MSH3: variants seen among roughly 807,000 people sequenced by gnomAD.
MSH3 encodes DNA mismatch repair protein Msh3.
In MSH3, 106 loss-of-function variants were observed where a neutral mutation model predicts 123.3. The ratio of observed to expected loss-of-function variants is 0.86; its 90% CI spans 0.73 to 1.01. The LOEUF (loss-of-function observed/expected upper bound fraction) is 1.01. Ranked by LOEUF, MSH3 falls within the 50% of genes least tolerant of loss-of-function variation. MSH3 has a pLI of 0.00. For missense variants in MSH3, 1,459 were observed against 1,347.6 expected (o/e 1.08, Z -1.29); for synonymous variants, 515 against 481.4 (o/e 1.07, Z -0.91).
intron 8 of MSH3, among the ~76,000 whole-genome samples, chr5:80,682,942 G>A (rs1166497793): frequency 6.6e-6 from 1 of 152,092 alleles, no homozygotes; most frequent in Non-Finnish European, 1.5e-5. Flanking sequence ...CCACAAGTAG[G>A]TGAGAACATG....
At chr5:80,817,725 T>A (rs1202895266) in intron 20 of MSH3, among the ~76,000 whole-genome samples, 1 of 152,148 alleles carries the variant, frequency 6.6e-6, no homozygotes, top group African/African-American at 2.4e-5. Flanking sequence ...GAAGTTTCTC[T>A]TTATAGAAAT....
chr5:80,843,907 G>T (rs1459481821), intron 20 of MSH3, among the ~76,000 whole-genome samples: 1 of 151,458 alleles, frequency 6.6e-6, no homozygotes, highest in Non-Finnish European at 1.5e-5. Flanking sequence ...CTTCAGTTCT[G>T]CTCTGATCTT....
At chr5:80,709,889 A>G (rs1207568092) in intron 8 of MSH3, among the ~76,000 whole-genome samples, 1 of 152,150 alleles carries the variant, frequency 6.6e-6, no homozygotes, top group Non-Finnish European at 1.5e-5. Flanking sequence ...AGCTTTTCCT[A>G]TCCTTTATCT....
At position 80,754,858 on chromosome 5, in the gene MSH3, A is replaced by G. The variant is rs558501414; in HGVS notation, c.1764-6688A>G. Among the ~76,000 whole-genome samples, 14 of 152,260 alleles carry G rather than the reference A, an allele frequency of 9.2e-5. No homozygotes were observed. In the South Asian group the frequency reaches 2.9e-3, roughly 32 times the overall value. On this transcript the variant is annotated intron_variant, in intron 12 of 23. Transcript: ENST00000265081. Reference sequence around the variant, plus strand: ...ATTTCTAATTTGTTACCCTGGCCCAAATGATGAAGTAATAGAATGTTGCAT... The same window carrying G: ...ATTTCTAATTTGTTACCCTGGCCCAGATGATGAAGTAATAGAATGTTGCAT...
At chr5:80,838,866 G>T (rs1044185763) in intron 20 of MSH3, among the ~76,000 whole-genome samples, 1 of 152,058 alleles carries the variant, frequency 6.6e-6, no homozygotes, top group Non-Finnish European at 1.5e-5. Context: ...TTTTAATTAC[G>T]ACATTTATAC....
chr5:80,668,913 C>G (rs928686229), intron 3 of MSH3, among the ~76,000 whole-genome samples: 1 of 152,212 alleles, frequency 6.6e-6, no homozygotes, highest in African/African-American at 2.4e-5. Flanking sequence ...CTTCTTCCAC[C>G]CATTTCTGGC....
At chr5:80,668,204 T>G (rs1749614365) in intron 3 of MSH3, among the ~76,000 whole-genome samples, 1 of 152,048 alleles carries the variant, frequency 6.6e-6, no homozygotes, top group African/African-American at 2.4e-5. Context: ...GTCTGGGGAT[T>G]TGTATGGGCT....
At position 80,852,397 on chromosome 5, in the gene MSH3, C is replaced by T. The variant is rs1245848856; in HGVS notation, c.2814-1733C>T. On this transcript the variant is annotated intron_variant, in intron 20 of 23. Transcript: ENST00000265081. ...ATCCTAATTTCTAAAAATCAATGAC[C>T]CCCCAAAATATTTCCCTCATCAGAA... Among the ~76,000 whole-genome samples the T allele has an allele frequency of 4.6e-5, 7 of 152,124 alleles. No individual in the cohort carries two copies. The South Asian group carries it at 1.5e-3, about 32-fold the overall frequency.
At chr5:80,824,981 C>A (rs928163814) in intron 20 of MSH3, among the ~76,000 whole-genome samples, 2 of 152,114 alleles carry the variant, frequency 1.3e-5, no homozygotes, top group African/African-American at 4.8e-5. Flanking sequence ...CCTGTTGTTA[C>A]CACTGGAAAG....
intron 13 of MSH3, among the ~76,000 whole-genome samples, chr5:80,762,737 T>G (rs1017095794): frequency 2.0e-5 from 3 of 150,820 alleles, no homozygotes; most frequent in African/African-American, 7.3e-5. Context: ...AAATTTTTAT[T>G]TTATTTTGTT....
At chr5:80,705,352 G>A (rs141433689) in intron 8 of MSH3, among the ~76,000 whole-genome samples, 6 of 152,302 alleles carry the variant, frequency 3.9e-5, no homozygotes, top group African/African-American at 1.4e-4. Flanking sequence ...TGCTAGAGCC[G>A]CTTGTAGCTG....
At chr5:80,693,602 TAC>T (rs1057222172) in intron 8 of MSH3, among the ~76,000 whole-genome samples, 76 of 44,342 alleles carry the variant, frequency 1.7e-3, no homozygotes, top group Admixed American at 0.012. Flanking sequence ...TATATAAACA[TAC>T]ATATATACAC....
chr5:80,860,111 CATAT>C (rs3991215), intron 21 of MSH3, among the ~76,000 whole-genome samples: 15 of 151,214 alleles, frequency 9.9e-5, no homozygotes, highest in South Asian at 2.1e-4. Flanking sequence ...TGTACATAAG[CATAT>C]ATATATATAT....
chr5:80,834,382 C>G (rs1745472985), intron 20 of MSH3, among the ~76,000 whole-genome samples: 1 of 149,838 alleles, frequency 6.7e-6, no homozygotes, highest in African/African-American at 2.4e-5. Context: ...TTAAAAAGTT[C>G]TACAAATGGA....
chr5:80,670,707 T>C (rs1749685340), intron 4 of MSH3, among the ~76,000 whole-genome samples: 1 of 152,228 alleles, frequency 6.6e-6, no homozygotes, highest in South Asian at 2.1e-4. Context: ...TGAATTTTCA[T>C]AGCCAGGAAC....
chr5:80,689,651 T>G (rs1277407790), intron 8 of MSH3, among the ~76,000 whole-genome samples: 1 of 150,682 alleles, frequency 6.6e-6, no homozygotes, highest in Non-Finnish European at 1.5e-5. Flanking sequence ...GGTGATGTTC[T>G]GCTGCTAAAA....
intron 20 of MSH3, among the ~76,000 whole-genome samples, chr5:80,850,720 T>G (rs938284987): frequency 1.3e-5 from 2 of 152,340 alleles, no homozygotes; most frequent in South Asian, 4.1e-4. Context: ...CAAGAAAAGA[T>G]GTGGCTGGGG....
chr5:80,772,154 G>A (rs1475136727), intron 15 of MSH3, among the ~76,000 whole-genome samples: 1 of 152,022 alleles, frequency 6.6e-6, no homozygotes, highest in Non-Finnish European at 1.5e-5. Context: ...GGGCAGTACT[G>A]ATAAGTATTA....
chr5:80,848,837 C>T (rs369007683), intron 20 of MSH3, among the ~76,000 whole-genome samples: 13 of 152,134 alleles, frequency 8.5e-5, no homozygotes, highest in Non-Finnish European at 1.6e-4. Flanking sequence ...TCCCAAATCT[C>T]GTATCTTCAC....
Sources: allele counts gnomAD v4.1 joint callset (sites outside exome capture counted in the v4.1 genomes callset), GRCh38; gene constraint gnomAD v4.1.1; transcripts MANE v1.5; gene names NCBI Gene and HGNC (gene_info 2026-07-23, HGNC 2026-07-21).